The following B3GAT2 variants were observed in gnomAD, a reference collection of about 807,000 sequenced individuals.
The protein encoded by B3GAT2 is galactosylgalactosylxylosylprotein 3-beta-glucuronosyltransferase 2.
B3GAT2 carries 26 observed loss-of-function variants against 27.8 expected under a neutral mutation model. That is an observed-to-expected ratio of 0.93 (90% CI 0.68 to 1.30). The LOEUF is 1.30. B3GAT2 is among the 50% of genes most tolerant of loss of function. B3GAT2 has a pLI of 0.00. For synonymous variants in B3GAT2, 218 were observed against 195.1 expected (o/e 1.12, Z -0.98); for missense variants, 458 against 459.0 (o/e 1.00, Z 0.02).
intron 2 of B3GAT2, among the ~76,000 whole-genome samples, chr6:70,884,990 G>A (rs1772161039): frequency 6.6e-6 from 1 of 152,228 alleles, no homozygotes; most frequent in Non-Finnish European, 1.5e-5. Context: ...ATGCCAAAGA[G>A]AGAAGTGGTC....
intron 1 of B3GAT2, among the ~76,000 whole-genome samples, chr6:70,933,385 A>G (rs1479882145): frequency 1.3e-5 from 2 of 152,182 alleles, no homozygotes; most frequent in East Asian, 3.9e-4. Context: ...TTAAAGAAGA[A>G]TGAAAAAAAT....
At chr6:70,899,863 T>C (rs1772466510) in intron 1 of B3GAT2, among the ~76,000 whole-genome samples, 1 of 152,202 alleles carries the variant, frequency 6.6e-6, no homozygotes, top group Non-Finnish European at 1.5e-5. Flanking sequence ...ACAACAACAG[T>C]GACTACTAAA....
rs540414919 is a variant in B3GAT2 at position 70,923,632 on chromosome 6, C to T, written c.592-29360G>A. On this transcript the variant is annotated intron_variant, in intron 1 of 3. Coordinates refer to ENST00000230053, the MANE Select transcript of B3GAT2 (RefSeq NM_080742.3). ...CAAGCCAGGATTGCACCACTGTACT[C>T]CAATCTGGGCGACAGAGTCAGACCC... Among the ~76,000 whole-genome samples the T allele has an allele frequency of 5.3e-5, 8 of 152,232 alleles. No individual in the cohort carries two copies. In the East Asian group the frequency reaches 7.7e-4, roughly 15 times the overall value.
chr6:70,934,187 A>G (rs1002329867), intron 1 of B3GAT2, among the ~76,000 whole-genome samples: 3 of 152,232 alleles, frequency 2.0e-5, no homozygotes, highest in African/African-American at 7.2e-5. Flanking sequence ...CTGGGAGTGC[A>G]TGATACCTGA....
chr6:70,944,910 T>C (rs1164353805), intron 1 of B3GAT2, among the ~76,000 whole-genome samples: 2 of 152,116 alleles, frequency 1.3e-5, no homozygotes, highest in Non-Finnish European at 2.9e-5. Context: ...GCATTCGCGG[T>C]TCACGAAAAT....
intron 1 of B3GAT2, among the ~76,000 whole-genome samples, chr6:70,951,038 T>A (rs1437057374): frequency 2.0e-5 from 3 of 152,166 alleles, no homozygotes; most frequent in Admixed American, 6.5e-5. Flanking sequence ...TTTATTTGTA[T>A]TTTGGTGGGA....
Position 70,956,623 on chromosome 6 carries a change from A to C in B3GAT2, c.-194T>G, listed in dbSNP as rs950183830. 1.6e-5 allele frequency: 23 copies of C among 1,424,946 alleles called. No homozygotes were observed. The African/African-American group carries it at 3.2e-4, about 20-fold the overall frequency. The allele number at this position is 1,424,946 out of a possible 1,614,324, so 88.3% of individuals were successfully genotyped here. A position where few individuals can be genotyped will look rare whatever the true frequency, so the allele number is the denominator to read the frequency against. On this transcript the variant is annotated 5_prime_UTR_variant, in exon 1 of 4. Coordinates refer to ENST00000230053, the MANE Select transcript of B3GAT2 (RefSeq NM_080742.3). ...GCGTGGAGGAGCGGCAGGTTCGCGCAAGCTAGAGCGACAAGGGGTGCAGGC... is the reference window on the plus strand; with the variant it reads ...GCGTGGAGGAGCGGCAGGTTCGCGCCAGCTAGAGCGACAAGGGGTGCAGGC...
intron 1 of B3GAT2, among the ~76,000 whole-genome samples, chr6:70,944,888 G>A (rs1240621405): frequency 8.5e-5 from 13 of 152,230 alleles, no homozygotes; most frequent in African/African-American, 2.9e-4. Context: ...CCAGAGGAAC[G>A]ATCAGAAAGC....
chr6:70,955,585 C>A (rs575034145), intron 1 of B3GAT2, among the ~76,000 whole-genome samples: 1 of 152,294 alleles, frequency 6.6e-6, no homozygotes, highest in African/African-American at 2.4e-5. Context: ...AATCTCCACA[C>A]AGAAAAGCCC....
intron 1 of B3GAT2, among the ~76,000 whole-genome samples, chr6:70,937,494 A>G (rs1164138798): frequency 1.3e-5 from 2 of 152,192 alleles, no homozygotes; most frequent in Non-Finnish European, 2.9e-5. Flanking sequence ...ATGGATGCAA[A>G]AATCCTCAAT....
In B3GAT2 at chr6:70,944,963, G is replaced by C. The variant is rs1271765966; in HGVS notation, c.591+10876C>G. On this transcript the variant is annotated intron_variant, in intron 1 of 3. Coordinates refer to ENST00000230053, the MANE Select transcript of B3GAT2 (RefSeq NM_080742.3). ...CCGCTGCTGATAACCAGGCAAACAG[G>C]GTCTGGAGTGGATCTCTAGCAAACT... 3.9e-5 allele frequency among the ~76,000 whole-genome samples: 6 copies of C among 152,228 alleles called. No homozygotes were observed. The South Asian group carries it at 8.3e-4, about 21-fold the overall frequency.
intron 1 of B3GAT2, among the ~76,000 whole-genome samples, chr6:70,897,669 AAAT>A (rs770313566): frequency 0.073 from 7,653 of 105,362 alleles, 169 homozygotes; most frequent in Middle Eastern, 0.14. Context: ...AAAAAAAAAA[AAAT>A]ATATATATAT....
intron 1 of B3GAT2, among the ~76,000 whole-genome samples, chr6:70,899,756 G>A (rs568744412): frequency 6.6e-6 from 1 of 152,040 alleles, no homozygotes; most frequent in Non-Finnish European, 1.5e-5. Context: ...TTTCACTCCT[G>A]GGATCTGTCC....
chr6:70,929,668 C>T (rs1217916372), intron 1 of B3GAT2, among the ~76,000 whole-genome samples: 1 of 152,148 alleles, frequency 6.6e-6, no homozygotes, highest in East Asian at 1.9e-4. Flanking sequence ...AGGAGAACTA[C>T]AAACCACTGC....
At chr6:70,920,214 G>A (rs1480686161) in intron 1 of B3GAT2, among the ~76,000 whole-genome samples, 5 of 152,218 alleles carry the variant, frequency 3.3e-5, no homozygotes, top group Admixed American at 6.5e-5. Flanking sequence ...CACCATGAGC[G>A]TGGGACCCAC....
At chr6:70,931,192 G>A (rs962260280) in intron 1 of B3GAT2, among the ~76,000 whole-genome samples, 2 of 152,112 alleles carry the variant, frequency 1.3e-5, no homozygotes, top group Non-Finnish European at 2.9e-5. Flanking sequence ...AGTGGGTTGG[G>A]GGGAGGGGGA....
intron 2 of B3GAT2, among the ~76,000 whole-genome samples, chr6:70,862,517 A>G (rs1771775211): frequency 6.6e-6 from 1 of 152,140 alleles, no homozygotes; most frequent in Non-Finnish European, 1.5e-5. Flanking sequence ...CTAATTTTTA[A>G]TCATCTGGTT....
At position 70,860,223 on chromosome 6, in the gene B3GAT2, G is replaced by GAGTATCAGT. The variant is rs1771653143; in HGVS notation, c.*1431_*1439dup. The GAGTATCAGT allele has an allele frequency of 1.9e-6, 3 of 1,611,474 alleles. No individual in the cohort carries two copies. The highest frequency in any genetic ancestry group is 2.5e-6 in the Non-Finnish European group (3 of 1,179,210). On this transcript the variant is annotated 3_prime_UTR_variant, in exon 4 of 4. Transcript: ENST00000230053. ...AGATGAATCAGCAGATGGCTGGCAT[G>GAGTATCAGT]AGTATCAGTAGTGCAACCCCTACTG...
At position 70,956,343 on chromosome 6, in the gene B3GAT2, C is replaced by T. The variant is rs1250777649; in HGVS notation, c.87G>A (p.Arg29=). The T allele has an allele frequency of 6.4e-7, 1 of 1,572,154 alleles. No individual in the cohort carries two copies. Among genetic ancestry groups the T allele is most frequent in the Non-Finnish European group, 8.6e-7 (1 of 1,158,236 alleles). Residue 29 remains arginine (R), a synonymous_variant, in exon 1 of 4, where the codon AGG becomes AGA. Coordinates refer to ENST00000230053, the MANE Select transcript of B3GAT2 (RefSeq NM_080742.3). ...VIIMLDVDTR[R]PVPPLTPRPY... ...GGCGCGGGGTGAGCGGGGGCACTGG[C>T]CTGCGCGTGTCCACGTCGAGCATGA...
Sources: allele counts gnomAD v4.1 joint callset (sites outside exome capture counted in the v4.1 genomes callset), GRCh38; gene constraint gnomAD v4.1.1; transcripts MANE v1.5; gene names NCBI Gene and HGNC (gene_info 2026-07-23, HGNC 2026-07-21).